Variants in NOSTRIN observed in about 807,000 individuals in gnomAD.
The protein encoded by NOSTRIN is BM247 homolog.
In NOSTRIN, 63 loss-of-function variants were observed where a neutral mutation model predicts 59.0. The observed-to-expected ratio is 1.07, with a 90% CI of 0.87 to 1.32. The LOEUF (loss-of-function observed/expected upper bound fraction) is 1.32. Ranked by LOEUF, NOSTRIN falls within the 40% of genes most tolerant of loss-of-function variation. The pLI is 0.00. For missense variants in NOSTRIN, 512 were observed against 473.1 expected (o/e 1.08, Z -0.76); for synonymous variants, 200 against 165.4 (o/e 1.21, Z -1.61).
intron 2 of NOSTRIN, among the ~76,000 whole-genome samples, chr2:168,815,573 T>C (rs1686351154): frequency 1.3e-5 from 2 of 152,214 alleles, no homozygotes; most frequent in South Asian, 4.1e-4. Context: ...GGAGGTATAG[T>C]TGACCACTTG....
chr2:168,856,590 A>T, intron 11 of NOSTRIN, 100 bp from the exon 12 acceptor site: 2 of 1,002,472 alleles, frequency 2.0e-6, no homozygotes, highest in Non-Finnish European at 3.1e-6. Flanking sequence ...AAAAAATCTC[A>T]CTGGTATCAC....
intron 15 of NOSTRIN, among the ~76,000 whole-genome samples, chr2:168,863,155 T>C (rs1689580193): frequency 6.6e-6 from 1 of 152,208 alleles, no homozygotes; most frequent in African/African-American, 2.4e-5. Flanking sequence ...ATACTTTATA[T>C]TCTAAGCAGT....
chr2:168,862,250 A>G (rs1279552610), intron 15 of NOSTRIN, among the ~76,000 whole-genome samples: 1 of 152,208 alleles, frequency 6.6e-6, no homozygotes, highest in Non-Finnish European at 1.5e-5. Context: ...TGTGTCAGAC[A>G]TTGTTGCAGG....
intron 8 of NOSTRIN, among the ~76,000 whole-genome samples, chr2:168,850,268 C>T (rs951336403): frequency 5.3e-5 from 8 of 152,156 alleles, no homozygotes; most frequent in African/African-American, 1.9e-4. Context: ...TTCTTATTTA[C>T]CCTTCCTACC....
upstream of NOSTRIN, among the ~76,000 whole-genome samples, chr2:168,794,202 T>C (rs1393888372): frequency 6.6e-6 from 1 of 152,106 alleles, no homozygotes; most frequent in Non-Finnish European, 1.5e-5. Context: ...AGTGAATGGA[T>C]GAATACACAT....
intron 1 of NOSTRIN, among the ~76,000 whole-genome samples, chr2:168,805,897 G>A (rs1307193260): frequency 6.6e-6 from 1 of 152,182 alleles, no homozygotes; most frequent in Non-Finnish European, 1.5e-5. Flanking sequence ...TGGGTGTCAC[G>A]TGGCCCACAG....
intron 2 of NOSTRIN, among the ~76,000 whole-genome samples, chr2:168,788,939 T>TGAC (rs1559095661): frequency 5.0e-5 from 7 of 141,086 alleles, no homozygotes; most frequent in African/African-American, 1.8e-4. Context: ...AGATAGATGA[T>TGAC]AGATATTTCA....
chr2:168,802,279 C>T (rs1461345421), upstream of NOSTRIN: 1 of 225,692 alleles, frequency 4.4e-6, no homozygotes. Context: ...ATTAATACTG[C>T]AGGCTGAGAG....
upstream of NOSTRIN, among the ~76,000 whole-genome samples, chr2:168,798,896 T>G (rs1028504518): frequency 6.6e-6 from 1 of 152,114 alleles, no homozygotes; most frequent in Non-Finnish European, 1.5e-5. Flanking sequence ...CTGAGCTATA[T>G]GAGGTATGCA....
At chr2:168,834,507 G>GCACGCACACA (rs1553527196) in intron 7 of NOSTRIN, among the ~76,000 whole-genome samples, 182 bp downstream of exon 7, 1 of 125,434 alleles carries the variant, frequency 8.0e-6, no homozygotes, top group East Asian at 2.4e-4. Context: ...GCGCGCGCGC[G>GCACGCACACA]CACACACACA....
In NOSTRIN at chr2:168,865,300, T is replaced by TATC; in HGVS notation, c.*331_*333dup. 4.7e-6 allele frequency: 1 copy of TATC among 213,866 alleles called. No homozygotes were observed. The highest frequency in any genetic ancestry group is 9.4e-6 in the Non-Finnish European group (1 of 106,832). 13.2% of individuals were successfully genotyped at this position (213,866 alleles called of 1,614,324 possible). The stretch of plus-strand genomic sequence containing the variant: ...TCAGCTGCTTGCCTGAAGTCAGAGT[T>TATC]ATCTGGTAGACAACAGCAGTGGGAC... On this transcript the variant is annotated 3_prime_UTR_variant, in exon 16 of 16. Transcript: ENST00000317647.
intron 8 of NOSTRIN, among the ~76,000 whole-genome samples, chr2:168,844,242 G>T (rs1688267002): frequency 6.6e-6 from 1 of 152,286 alleles, no homozygotes; most frequent in Non-Finnish European, 1.5e-5. Flanking sequence ...CAACAGAACT[G>T]CCAGAAACAG....
chr2:168,799,938 G>T (rs1016834231), upstream of NOSTRIN, among the ~76,000 whole-genome samples: 1 of 152,214 alleles, frequency 6.6e-6, no homozygotes, highest in Non-Finnish European at 1.5e-5. Context: ...TTATGAAGTG[G>T]AAGCTCTCCT....
upstream of NOSTRIN, among the ~76,000 whole-genome samples, chr2:168,796,387 C>T (rs1438007731): frequency 3.3e-5 from 5 of 152,196 alleles, no homozygotes; most frequent in South Asian, 4.1e-4. Context: ...ACCCCTTAAC[C>T]GCTGGACCCC....
chr2:168,863,916 TA>T (rs1392346610), intron 15 of NOSTRIN, among the ~76,000 whole-genome samples: 1 of 151,516 alleles, frequency 6.6e-6, no homozygotes, highest in Non-Finnish European at 1.5e-5. Flanking sequence ...GATCTTTTTT[TA>T]TTTTTTTTTT....
chr2:168,813,193 C>T (rs1686238568), intron 2 of NOSTRIN, among the ~76,000 whole-genome samples: 1 of 152,168 alleles, frequency 6.6e-6, no homozygotes, highest in African/African-American at 2.4e-5. Flanking sequence ...GAATTCAACT[C>T]ATTACCCAGA....
intron 6 of NOSTRIN, among the ~76,000 whole-genome samples, chr2:168,833,407 G>C (rs6724279): frequency 6.6e-6 from 1 of 152,222 alleles, no homozygotes; most frequent in Non-Finnish European, 1.5e-5. Context: ...AAGCTAAAAA[G>C]CCAAGGAAGA....
Position 168,855,424 on chromosome 2 carries a change from C to T in NOSTRIN, c.928C>T (p.Gln310Ter), listed in dbSNP as rs373385556. 1.9e-6 allele frequency: 3 copies of T among 1,609,568 alleles called. No individual in the cohort carries two copies. The highest frequency in any genetic ancestry group is 2.5e-6 in the Non-Finnish European group (3 of 1,176,872). Reference sequence around the variant, plus strand: ...ACTAAAACCAAAATTATTGAGACTGCAGAGAGACATTGAAAAAGCCTCAAA... The same window carrying T: ...ACTAAAACCAAAATTATTGAGACTGTAGAGAGACATTGAAAAAGCCTCAAA... ...SLLKPKLLRLQRDIEKASKDK... is the reference protein window; with the variant it reads ...SLLKPKLLRL The change falls in exon 11 of 16, where the codon CAG (glutamine) becomes TAG (stop). Residue 310 changes from glutamine to a stop codon, truncating the protein, a stop_gained. Transcript: ENST00000317647. LOFTEE classifies it high-confidence loss of function.
chr2:168,860,420 C>G (rs956891978), intron 13 of NOSTRIN, among the ~76,000 whole-genome samples: 2 of 152,164 alleles, frequency 1.3e-5, no homozygotes, highest in African/African-American at 4.8e-5. Context: ...CCTGTAATCC[C>G]AGAACTTTGG....
Sources: gnomAD v4.1 joint callset for allele counts (sites outside exome capture counted in the v4.1 genomes callset) on GRCh38, gnomAD v4.1.1 for gene constraint, MANE v1.5 for transcripts, NCBI Gene and HGNC (gene_info 2026-07-23, HGNC 2026-07-21) for gene names.